Variants in GRIK3 observed in about 807,000 individuals in gnomAD.
GRIK3 encodes the protein glutamate ionotropic receptor kainate type subunit 3.
In GRIK3, 29 loss-of-function variants were observed where a neutral mutation model predicts 102.5. That is an observed-to-expected ratio of 0.28 (90% CI 0.21 to 0.39). The LOEUF (loss-of-function observed/expected upper bound fraction) is 0.39, where lower values mean the gene tolerates loss of function less well. Among genes scored for constraint, GRIK3 ranks in the 10% least tolerant of loss-of-function variants. The probability of loss-of-function intolerance (pLI) is 1.00; values close to 1 mark genes in which losing one functional copy is unlikely to be tolerated. For missense variants in GRIK3, 908 were observed against 1,252.4 expected (o/e 0.73, Z 4.15); for synonymous variants, 511 against 504.9 (o/e 1.01, Z -0.16).
rs570653894 is a variant in GRIK3, at chr1:36,869,730, G to A, written c.786+18C>T. 4 of 1,586,906 alleles carry A rather than the reference G, an allele frequency of 2.5e-6. No individual in the cohort carries two copies. In the South Asian group the frequency reaches 3.3e-5, roughly 13 times the overall value. On this transcript the variant is annotated intron_variant, in intron 5 of 15. Transcript: ENST00000373091. ...GAGTCCCACCCCTTTCCCGTGCCAG[G>A]ACCCAGAGGTACATTACCAGAGTGG...
At chr1:36,971,428 C>T (rs1225782394) in intron 1 of GRIK3, among the ~76,000 whole-genome samples, 1 of 152,184 alleles carries the variant, frequency 6.6e-6, no homozygotes, top group Admixed American at 6.5e-5. Flanking sequence ...GGTCTAGCCA[C>T]ATCTGAACCA....
At chr1:36,902,623 G>C (rs1641244028) in intron 1 of GRIK3, among the ~76,000 whole-genome samples, 1 of 152,122 alleles carries the variant, frequency 6.6e-6, no homozygotes, top group African/African-American at 2.4e-5. Flanking sequence ...ACTATAAATT[G>C]CCAAACTTGG....
At position 36,802,055 on chromosome 1, in the gene GRIK3, G is replaced by A; in HGVS notation, c.2566-10C>T. On this transcript the variant is annotated splice_polypyrimidine_tract_variant and intron_variant, in intron 15 of 15. Transcript: ENST00000373091. ...TGCTGCAGAAGGAACGCTGCAGGAG[G>A]GTGGAGGAGAGGGGTCGGAAAAGGG... The A allele has an allele frequency of 6.3e-7, 1 of 1,598,376 alleles. No homozygotes were observed. Among genetic ancestry groups the A allele is most frequent in the Non-Finnish European group, 8.5e-7 (1 of 1,171,408 alleles).
chr1:36,944,750 G>T (rs911432557), intron 1 of GRIK3, among the ~76,000 whole-genome samples: 1 of 152,130 alleles, frequency 6.6e-6, no homozygotes, highest in African/African-American at 2.4e-5. Flanking sequence ...GAGAGATGTG[G>T]GTCTATGTCA....
At chr1:36,816,830 C>T (rs1449447869) in intron 13 of GRIK3, among the ~76,000 whole-genome samples, 1 of 152,210 alleles carries the variant, frequency 6.6e-6, no homozygotes, top group Non-Finnish European at 1.5e-5. Context: ...TCACATTGCT[C>T]ATCTCAGGCA....
chr1:36,835,889 T>C (rs2124209486), intron 10 of GRIK3, among the ~76,000 whole-genome samples: 1 of 152,198 alleles, frequency 6.6e-6, no homozygotes, highest in South Asian at 2.1e-4. Flanking sequence ...TGACTCTCGA[T>C]GGGGCCCCAA....
At chr1:36,884,937 A>C (rs147198764) in intron 2 of GRIK3, among the ~76,000 whole-genome samples, 1,648 of 152,298 alleles carry the variant, frequency 0.011, 27 homozygotes, top group African/African-American at 0.036. Context: ...AAGGCAAGGG[A>C]GAGTGGACCA....
chr1:36,888,510 A>G (rs981936732), intron 2 of GRIK3, among the ~76,000 whole-genome samples: 4 of 152,162 alleles, frequency 2.6e-5, no homozygotes, highest in East Asian at 3.9e-4. Context: ...ATGCTCCTTG[A>G]CCAAGCTAAT....
intron 13 of GRIK3, among the ~76,000 whole-genome samples, chr1:36,814,343 G>A (rs1642596278): frequency 6.6e-6 from 1 of 152,116 alleles, no homozygotes; most frequent in African/African-American, 2.4e-5. Flanking sequence ...AGATGCTCTG[G>A]CACAAAGGGC....
intron 1 of GRIK3, among the ~76,000 whole-genome samples, chr1:36,937,873 C>G (rs1282671222): frequency 6.6e-6 from 1 of 152,220 alleles, no homozygotes; most frequent in Non-Finnish European, 1.5e-5. Flanking sequence ...TCTCACATAA[C>G]TAATGGCCAA....
At chr1:36,828,147 T>C (rs1642775623) in intron 10 of GRIK3, among the ~76,000 whole-genome samples, 1 of 151,544 alleles carries the variant, frequency 6.6e-6, no homozygotes, top group African/African-American at 2.4e-5. Flanking sequence ...TCATGGAGCT[T>C]CCAGTTAGTG....
Position 37,034,181 on chromosome 1 carries a change from C to T in GRIK3, c.-73G>A. The T allele has an allele frequency of 3.8e-6, 2 of 525,362 alleles. No homozygotes were observed. The highest frequency in any genetic ancestry group is 4.7e-5 in the East Asian group (1 of 21,276). The allele number at this position is 525,362 out of a possible 1,614,324, so 32.5% of individuals were successfully genotyped here. A position where few individuals can be genotyped will look rare whatever the true frequency, so the allele number is the denominator to read the frequency against. ...CTGGGGCGGCAGCTCTAGGCGCGGGCGCGCAGCAGCCCCGAAGGCGCCGCC... is the reference window on the plus strand; with the variant it reads ...CTGGGGCGGCAGCTCTAGGCGCGGGTGCGCAGCAGCCCCGAAGGCGCCGCC... On this transcript the variant is annotated 5_prime_UTR_variant, in exon 1 of 16. Coordinates refer to ENST00000373091, the MANE Select transcript of GRIK3 (RefSeq NM_000831.4).
At chr1:36,958,013 G>T (rs370207619) in intron 1 of GRIK3, among the ~76,000 whole-genome samples, 11 of 22,216 alleles carry the variant, frequency 5.0e-4, no homozygotes, top group African/African-American at 7.5e-4. Flanking sequence ...CTGTGTGCCC[G>T]GTGAGTCTGT....
At chr1:36,986,462 CAG>C (rs1410431900) in intron 1 of GRIK3, among the ~76,000 whole-genome samples, 207 of 123,026 alleles carry the variant, frequency 1.7e-3, no homozygotes, top group Admixed American at 4.5e-3. Flanking sequence ...ATCCATCCAT[CAG>C]CCCATCCATC....
intron 1 of GRIK3, among the ~76,000 whole-genome samples, chr1:36,978,287 T>C (rs3767100): frequency 0.15 from 23,566 of 152,266 alleles, 2,535 homozygotes; most frequent in African/African-American, 0.31. Context: ...TGGCACGCAC[T>C]GCACCCAGAT....
chr1:36,921,580 A>T (rs1641473915), intron 1 of GRIK3, among the ~76,000 whole-genome samples: 1 of 151,118 alleles, frequency 6.6e-6, no homozygotes, highest in Non-Finnish European at 1.5e-5. Flanking sequence ...AGCTAGTGCT[A>T]TTTTTATTAC....
At chr1:36,884,294 T>C (rs1234574429) in intron 2 of GRIK3, among the ~76,000 whole-genome samples, 1 of 152,178 alleles carries the variant, frequency 6.6e-6, no homozygotes, top group Non-Finnish European at 1.5e-5. Context: ...TGATAATAAA[T>C]GCTTTAAAAA....
chr1:36,842,747 C>T (rs1640471988), intron 9 of GRIK3, among the ~76,000 whole-genome samples: 1 of 152,222 alleles, frequency 6.6e-6, no homozygotes, highest in Non-Finnish European at 1.5e-5. Context: ...ACCTTAATGT[C>T]AGCCCTCTGG....
chr1:36,817,638 C>T (rs1250037334), intron 12 of GRIK3, among the ~76,000 whole-genome samples: 1 of 152,172 alleles, frequency 6.6e-6, no homozygotes, highest in East Asian at 1.9e-4. Context: ...ACCTCAGATG[C>T]CTAACCATGG....
Sources: allele counts gnomAD v4.1 joint callset (sites outside exome capture counted in the v4.1 genomes callset), GRCh38; gene constraint gnomAD v4.1.1; transcripts MANE v1.5; gene names NCBI Gene and HGNC (gene_info 2026-07-23, HGNC 2026-07-21).